Variants in PARD3 observed in about 807,000 individuals in gnomAD.
PARD3 encodes the protein par-3 family cell polarity regulator.
A neutral mutation model predicts 155.4 loss-of-function variants in PARD3; 75 were observed. That is an observed-to-expected ratio of 0.48 (90% confidence interval 0.40 to 0.58). PARD3 has a LOEUF of 0.58. Among genes scored for constraint, PARD3 ranks in the 20% least tolerant of loss-of-function variants. The pLI is 0.00. For synonymous variants in PARD3, 576 were observed against 610.5 expected (o/e 0.94, Z 0.83); for missense variants, 1,642 against 1,721.7 (o/e 0.95, Z 0.82).
In PARD3 at chr10:34,805,757, A is replaced by C. The variant is rs1466695746; in HGVS notation, c.120+9119T>G. 3.9e-5 allele frequency among the ~76,000 whole-genome samples: 6 copies of C among 151,952 alleles called. No homozygotes were observed. In the South Asian group the frequency reaches 8.3e-4, roughly 21 times the overall value. Reference sequence around the variant, plus strand: ...TTTGGGAGGCTGAGACAGGCGGATCACGAGGTCAGGAGATCGAGACCATCC... The same window carrying C: ...TTTGGGAGGCTGAGACAGGCGGATCCCGAGGTCAGGAGATCGAGACCATCC... On this transcript the variant is annotated intron_variant, in intron 1 of 24. Transcript: ENST00000374788.
chr10:34,377,103 C>T (rs1841330556), intron 10 of PARD3, among the ~76,000 whole-genome samples: 1 of 152,144 alleles, frequency 6.6e-6, no homozygotes, highest in Admixed American at 6.5e-5. Context: ...TCTTATGACT[C>T]AATTTATTCT....
chr10:34,350,020 C>T (rs1013080724), intron 14 of PARD3, among the ~76,000 whole-genome samples: 3 of 152,182 alleles, frequency 2.0e-5, no homozygotes, highest in Non-Finnish European at 2.9e-5. Context: ...TCTCCACCTC[C>T]CCTACCTCTC....
chr10:34,188,987 C>T (rs973301442), intron 22 of PARD3, among the ~76,000 whole-genome samples: 1 of 152,064 alleles, frequency 6.6e-6, no homozygotes, highest in African/African-American at 2.4e-5. Context: ...TAGGGGTCTA[C>T]AAGATCCTTC....
At chr10:34,206,891 A>T (rs1951504721) in intron 22 of PARD3, among the ~76,000 whole-genome samples, 1 of 152,040 alleles carries the variant, frequency 6.6e-6, no homozygotes, top group African/African-American at 2.4e-5. Context: ...CTCACCTCCT[A>T]CCTCACTACT....
chr10:34,370,807 G>GGTGTGT lies in PARD3; in HGVS notation c.1707+1685_1707+1690dup, dbSNP rs3040369. Among the ~76,000 whole-genome samples, 897 of 145,660 alleles carry GGTGTGT rather than the reference G, an allele frequency of 6.2e-3. 6 individuals are homozygous for GGTGTGT. The highest frequency in any genetic ancestry group is 0.021 in the African/African-American group (839 of 39,470). ...TATTTCATGGTACAGATACAAATGG[G>GGTGTGT]GTGTGTGTGTGTGTGTGTGTGTGTG... On this transcript the variant is annotated intron_variant, in intron 12 of 24. Transcript: ENST00000374788.
chr10:34,432,572 T>G (rs948233440), intron 5 of PARD3, among the ~76,000 whole-genome samples: 2 of 152,032 alleles, frequency 1.3e-5, no homozygotes, highest in African/African-American at 4.8e-5. Flanking sequence ...TTCACAGGGG[T>G]AAGGTAATTC....
At chr10:34,640,684 G>A (rs765651270) in intron 2 of PARD3, among the ~76,000 whole-genome samples, 1 of 97,088 alleles carries the variant, frequency 1.0e-5, no homozygotes, top group African/African-American at 3.8e-5. Context: ...ACTCCAGCTT[G>A]GACAACAGAG....
intron 1 of PARD3, among the ~76,000 whole-genome samples, chr10:34,708,459 C>T (rs752621539): frequency 9.9e-5 from 15 of 152,148 alleles, no homozygotes; most frequent in African/African-American, 2.9e-4. Context: ...AGTTATACAA[C>T]GAACAGTCAT....
chr10:34,329,278 T>C (rs1835367383), intron 19 of PARD3, among the ~76,000 whole-genome samples: 3 of 152,132 alleles, frequency 2.0e-5, no homozygotes, highest in Non-Finnish European at 4.4e-5. Flanking sequence ...GCAAACTGCA[T>C]TTTTTAAGGA....
At chr10:34,451,944 A>C (rs2077085155) in intron 4 of PARD3, among the ~76,000 whole-genome samples, 1 of 152,068 alleles carries the variant, frequency 6.6e-6, no homozygotes, top group Admixed American at 6.6e-5. Flanking sequence ...GATAGTCCAT[A>C]GATACATTGA....
chr10:34,793,420 T>C lies in PARD3; in HGVS notation c.120+21456A>G, dbSNP rs568809939. ...TTTTCAGGCTGATAAATTTGAATTC[T>C]ACTTGGAAAACCACACAGAACCCAT... is the stretch of plus-strand genomic sequence containing the variant. On this transcript the variant is annotated intron_variant, in intron 1 of 24. Transcript: ENST00000374788. 1.0e-3 allele frequency among the ~76,000 whole-genome samples: 159 copies of C among 152,276 alleles called. 1 individual carries two copies. Among genetic ancestry groups the C allele is most frequent in the African/African-American group, 3.7e-3 (154 of 41,562 alleles).
At chr10:34,305,242 C>T (rs1028881853) in intron 20 of PARD3, among the ~76,000 whole-genome samples, 1 of 152,206 alleles carries the variant, frequency 6.6e-6, no homozygotes, top group Non-Finnish European at 1.5e-5. Context: ...CCTGTCAAGG[C>T]ATACCTCAGA....
chr10:34,430,172 T>G (rs1028611169), intron 5 of PARD3, among the ~76,000 whole-genome samples: 7 of 152,260 alleles, frequency 4.6e-5, no homozygotes, highest in Non-Finnish European at 1.0e-4. Context: ...CTTGAATTAT[T>G]GGCTATATGG....
At chr10:34,337,828 G>A (rs953589208) in intron 16 of PARD3, among the ~76,000 whole-genome samples, 2 of 152,124 alleles carry the variant, frequency 1.3e-5, no homozygotes, top group Admixed American at 1.3e-4. Context: ...CATATAAATT[G>A]TAACTAAATA....
intron 22 of PARD3, among the ~76,000 whole-genome samples, chr10:34,162,454 T>C (rs547021403): frequency 3.3e-5 from 5 of 152,300 alleles, no homozygotes; most frequent in South Asian, 2.1e-4. Flanking sequence ...AACCTGGAAC[T>C]AGCTGAGTGA....
chr10:34,773,358 G>A (rs756272873), intron 1 of PARD3, among the ~76,000 whole-genome samples: 307 of 152,110 alleles, frequency 2.0e-3, no homozygotes, highest in Non-Finnish European at 2.8e-4. Flanking sequence ...ATGAATAACC[G>A]TGGCTGACTT....
At chr10:34,311,553 A>G (rs1276469993) in intron 20 of PARD3, among the ~76,000 whole-genome samples, 2 of 152,202 alleles carry the variant, frequency 1.3e-5, no homozygotes, top group Non-Finnish European at 2.9e-5. Flanking sequence ...CTAGCATTGG[A>G]TCTGTGATTC....
intron 1 of PARD3, among the ~76,000 whole-genome samples, chr10:34,729,897 G>A (rs1334427185): frequency 6.6e-6 from 1 of 152,124 alleles, no homozygotes; most frequent in African/African-American, 2.4e-5. Context: ...ATTGGAAAGA[G>A]AAGGAAAGAT....
chr10:34,325,645 G>C (rs1291847099), intron 19 of PARD3, among the ~76,000 whole-genome samples: 3 of 152,010 alleles, frequency 2.0e-5, no homozygotes, highest in Non-Finnish European at 2.9e-5. Context: ...GAGCCCTTAG[G>C]AACTAATAGC....
Sources: gnomAD v4.1 joint callset for allele counts (sites outside exome capture counted in the v4.1 genomes callset) on GRCh38, gnomAD v4.1.1 for gene constraint, MANE v1.5 for transcripts, NCBI Gene and HGNC (gene_info 2026-07-23, HGNC 2026-07-21) for gene names.